Variants in SYCE1L observed in about 807,000 individuals in gnomAD.
SYCE1L encodes the protein synaptonemal complex central element protein 1-like.
A neutral mutation model predicts 39.6 loss-of-function variants in SYCE1L; 51 were observed. That is an observed-to-expected ratio of 1.29 (90% CI 1.03 to 1.63). SYCE1L has a LOEUF of 1.63. Among genes scored for constraint, SYCE1L ranks in the 40% most tolerant of loss-of-function variants. The pLI, the probability that SYCE1L is intolerant of heterozygous loss-of-function variation, is 0.00. For synonymous variants in SYCE1L, 147 were observed against 122.4 expected, an observed-to-expected ratio of 1.20 and a Z score of -1.33; for missense variants, 426 against 304.9, an observed-to-expected ratio of 1.40 and a Z score of -2.96.
intron 1 of SYCE1L, among the ~76,000 whole-genome samples, chr16:77,203,721 A>T (rs541147561): frequency 2.0e-5 from 3 of 151,292 alleles, no homozygotes. Context: ...CAGCCTCCCA[A>T]GTAGCTGGGA....
rs2054836612 is a variant in SYCE1L, at chr16:77,212,921, A to G, written c.719A>G (p.Asp240Gly). 1 of 1,529,720 alleles carries G rather than the reference A, an allele frequency of 6.5e-7. No homozygotes were observed. Among genetic ancestry groups the G allele is most frequent in the Non-Finnish European group, 8.8e-7 (1 of 1,139,812 alleles). The allele number at this position is 1,529,720 out of a possible 1,614,324, so 94.8% of individuals were successfully genotyped here. The stretch of plus-strand genomic sequence containing the variant: ...CCCGAGCCGCCGGTGGCTGCCCCTG[A>G]CGCCCTCTAGGCCAGCAGGACCCGC... ...EDPEPPVAAP[D>G]AL Residue 240 changes from aspartate to glycine, a missense_variant, in exon 11 of 11, where the codon GAC (aspartate) becomes GGC (glycine). By Grantham distance (94) the Asp-to-Gly change is moderately conservative. Transcript: ENST00000378644.
chr16:77,206,037 A>G (rs1447391177), intron 1 of SYCE1L, among the ~76,000 whole-genome samples: 2 of 152,148 alleles, frequency 1.3e-5, no homozygotes, highest in African/African-American at 2.4e-5. Context: ...CTATCAGTTC[A>G]TTAAGAATTT....
chr16:77,204,267 A>G (rs1205106556), intron 1 of SYCE1L, among the ~76,000 whole-genome samples: 1 of 152,234 alleles, frequency 6.6e-6, no homozygotes, highest in Non-Finnish European at 1.5e-5. Flanking sequence ...AGAATAATGT[A>G]CAAGGATGGT....
chr16:77,212,250 C>T lies in SYCE1L; in HGVS notation c.494-32C>T, dbSNP rs917229375. ...GGGGGAGGGGGATGTGCCCGGGCCTCGGCCCTGCCCCTGACGCCCGCCCAC... is the reference window on the plus strand; with the variant it reads ...GGGGGAGGGGGATGTGCCCGGGCCTTGGCCCTGCCCCTGACGCCCGCCCAC... On this transcript the variant is annotated intron_variant, in intron 8 of 10. Transcript: ENST00000378644. 7.6e-5 allele frequency: 116 copies of T among 1,523,736 alleles called. 1 individual carries two copies. The Admixed American group carries it at 2.3e-3, about 30-fold the overall frequency. 94.4% of individuals were successfully genotyped at this position (1,523,736 alleles called of 1,614,324 possible).
intron 1 of SYCE1L, chr16:77,201,049 G>A (rs928662206): frequency 9.9e-5 from 15 of 152,128 alleles, no homozygotes; most frequent in African/African-American, 3.1e-4. Flanking sequence ...AATGATTATT[G>A]CTTATTGCCT....
chr16:77,199,773 C>T lies in SYCE1L; in HGVS notation c.61+261C>T, dbSNP rs528352318. 1.5e-4 allele frequency: 53 copies of T among 359,530 alleles called. No homozygotes were observed. In the South Asian group the frequency reaches 2.4e-3, roughly 16 times the overall value. The allele number at this position is 359,530 out of a possible 1,614,324, so 22.3% of individuals were successfully genotyped here. On this transcript the variant is annotated intron_variant, in intron 1 of 10. Transcript: ENST00000378644. Reference sequence around the variant, plus strand: ...AAAGTAAACAACATGTAGTTCAGTACGAAAGTCTTCAAACAAAAGTGGGGC... The same window carrying T: ...AAAGTAAACAACATGTAGTTCAGTATGAAAGTCTTCAAACAAAAGTGGGGC...
At chr16:77,210,376 G>A (rs922945867) in intron 6 of SYCE1L, among the ~76,000 whole-genome samples, 2 of 152,170 alleles carry the variant, frequency 1.3e-5, no homozygotes, top group Admixed American at 6.5e-5. Context: ...CCTGTTACCA[G>A]AGGTCTCTCA....
intron 1 of SYCE1L, chr16:77,202,341 A>G (rs2054751709): frequency 6.6e-6 from 1 of 152,208 alleles, no homozygotes; most frequent in Non-Finnish European, 1.5e-5. Context: ...ACTGTGGCCT[A>G]TTTTTACAAC....
Position 77,212,884 on chromosome 16 carries a change from G to C in SYCE1L, c.682G>C (p.Asp228His), listed in dbSNP as rs1386546040. Residue 228 changes from aspartate (D) to histidine (H), a missense_variant, in exon 11 of 11, where the codon GAC becomes CAC. Transcript: ENST00000378644. ...EAGPELPRAR[D>H]EEDPEPPVAA... ...CGGACCTGAGCTCCCCCGCGCTCGC[G>C]ACGAGGAGGATCCCGAGCCGCCGGT... The C allele has an allele frequency of 6.6e-7, 1 of 1,524,838 alleles. No individual in the cohort carries two copies. The allele number at this position is 1,524,838 out of a possible 1,614,324, so 94.5% of individuals were successfully genotyped here. A position where few individuals can be genotyped will look rare whatever the true frequency, so the allele number is the denominator to read the frequency against.
Position 77,199,495 on chromosome 16 carries a change from C to G in SYCE1L, c.44C>G (p.Ala15Gly). Residue 15 changes from alanine to glycine, a missense_variant, in exon 1 of 11, where the codon GCT becomes GGT. Physicochemically the swap from Ala to Gly is moderately conservative, Grantham distance 60. Transcript: ENST00000378644. ...CCTCTGAATGTGGAGGCGCCAGAAG[C>G]TACTGAGGAGGCTGAAGGTAGTGAG... ...LKPLNVEAPE[A>G]TEEAEGQAKS... 6.4e-7 allele frequency: 1 copy of G among 1,551,428 alleles called. No individual in the cohort carries two copies. The highest frequency in any genetic ancestry group is 8.7e-7 in the Non-Finnish European group (1 of 1,146,940).
chr16:77,203,592 CTTT>C (rs57339044), intron 1 of SYCE1L, among the ~76,000 whole-genome samples: 2 of 120,604 alleles, frequency 1.7e-5, no homozygotes, highest in Non-Finnish European at 3.4e-5. Context: ...AAGTTACTTC[CTTT>C]TTTTTTTTTT....
chr16:77,200,746 C>CAAAAAAAAAAAAAAAAA (rs11344903), intron 1 of SYCE1L: 28 of 84,670 alleles, frequency 3.3e-4, no homozygotes, highest in Non-Finnish European at 4.7e-4. Context: ...ACAGAGTGAG[C>CAAAAAAAAAAAAAAAAA]AAAAAAAAAA....
chr16:77,200,208 TTA>T (rs1459031325), intron 1 of SYCE1L: 1 of 141,418 alleles, frequency 7.1e-6, no homozygotes, highest in African/African-American at 2.6e-5. Flanking sequence ...GTATGTGTAT[TTA>T]TATGTATGTA....
At chr16:77,209,504 C>G (rs1358069674) in intron 6 of SYCE1L, 33 bp downstream of exon 6, 2 of 1,550,788 alleles carry the variant, frequency 1.3e-6, no homozygotes, top group Non-Finnish European at 1.7e-6. Flanking sequence ...TTCCCTACCT[C>G]ATTCCCCAGC....
In SYCE1L at chr16:77,212,868, G is replaced by C. The variant is rs2054835749; in HGVS notation, c.666G>C (p.Glu222Asp). Residue 222 changes from glutamate (E) to aspartate (D), a missense_variant, in exon 11 of 11, where the codon GAG (glutamate) becomes GAC (aspartate). Transcript: ENST00000378644. ...VGAGEGEAGPELPRARDEEDP... is the reference protein window; with the variant it reads ...VGAGEGEAGPDLPRARDEEDP... The stretch of plus-strand genomic sequence containing the variant: ...CCAGCCCCCGGCAGGCCGGACCTGA[G>C]CTCCCCCGCGCTCGCGACGAGGAGG... 6.6e-7 allele frequency: 1 copy of C among 1,520,590 alleles called. No homozygotes were observed. The highest frequency in any genetic ancestry group is 8.8e-7 in the Non-Finnish European group (1 of 1,136,590). The allele number at this position is 1,520,590 out of a possible 1,614,324, so 94.2% of individuals were successfully genotyped here. A position where few individuals can be genotyped will look rare whatever the true frequency, so the allele number is the denominator to read the frequency against.
intron 1 of SYCE1L, chr16:77,200,342 C>T (rs561156986): frequency 1.4e-5 from 2 of 147,626 alleles, no homozygotes; most frequent in African/African-American, 5.0e-5. Context: ...ATCGCAGCTA[C>T]TCAGGAAGCT....
intron 1 of SYCE1L, chr16:77,202,032 G>A (rs1372467980): frequency 6.6e-6 from 1 of 152,108 alleles, no homozygotes; most frequent in Non-Finnish European, 1.5e-5. Context: ...AGAGGTAGAG[G>A]CATTTTTGTG....
intron 5 of SYCE1L, 35 bp downstream of exon 5, chr16:77,209,179 T>C: frequency 6.5e-7 from 1 of 1,549,718 alleles, no homozygotes; most frequent in East Asian, 2.4e-5. Context: ...CTTATTCTAC[T>C]CTTCCACCCC....
Position 77,209,131 on chromosome 16 carries a change from G to T in SYCE1L, c.291G>T (p.Leu97Phe). 6.4e-7 allele frequency: 1 copy of T among 1,551,436 alleles called. No homozygotes were observed. Among genetic ancestry groups the T allele is most frequent in the Non-Finnish European group, 8.7e-7 (1 of 1,146,916 alleles). Residue 97 changes from leucine (L) to phenylalanine (F), a missense_variant, in exon 5 of 11, where the codon TTG (leucine) becomes TTT (phenylalanine). Leu to Phe is a conservative substitution (Grantham distance 22). Transcript: ENST00000378644. ...NGEKVHLEEV[L>F]GKKQEALRIL... ...AGAAAGTGCACCTAGAGGAGGTCTT[G>T]GGCAAAAAGCAAGGTATTTACCAGT...
Sources: gnomAD v4.1 joint callset for allele counts (sites outside exome capture counted in the v4.1 genomes callset) on GRCh38, gnomAD v4.1.1 for gene constraint, MANE v1.5 for transcripts, NCBI Gene and HGNC (gene_info 2026-07-23, HGNC 2026-07-21) for gene names.